The following LIMCH1 variants were observed in gnomAD, a reference collection of about 807,000 sequenced individuals.
LIMCH1 encodes LIM and calponin homology domains 1, also known as LIM and calponin homology domains-containing protein 1.
Under a neutral mutation model 176.5 loss-of-function variants are expected in LIMCH1, and 113 were observed. The observed-to-expected ratio is 0.64, with a 90% CI of 0.55 to 0.75. LIMCH1 has a LOEUF of 0.75. Ranked by LOEUF, LIMCH1 falls within the 30% of genes least tolerant of loss-of-function variation. LIMCH1 has a pLI of 0.00. For synonymous variants in LIMCH1, 619 were observed against 645.9 expected (o/e 0.96, Z 0.63); for missense variants, 1,674 against 1,814.9 (o/e 0.92, Z 1.41).
At position 41,566,406 on chromosome 4, in the gene LIMCH1, C is replaced by G. The variant is rs2082779442; in HGVS notation, c.-241+28056C>G. Among the ~76,000 whole-genome samples the G allele has an allele frequency of 1.3e-5, 2 of 151,472 alleles. 1 individual carries two copies. Among genetic ancestry groups the G allele is most frequent in the South Asian group, 4.2e-4 (2 of 4,814 alleles). ...TAGGACTTGAAAATTGAAATTACTC[C>G]TTGATCCATGGGCTGCAGAGCTTTG... is the stretch of plus-strand genomic sequence containing the variant. On this transcript the variant is annotated intron_variant, in intron 1 of 31. Coordinates refer to ENST00000503057, the MANE Select transcript of LIMCH1 (RefSeq NM_001330672.2).
chr4:41,360,791 G>C lies in LIMCH1; in HGVS notation c.-50G>C. On this transcript the variant is annotated 5_prime_UTR_variant, in exon 1 of 27. Coordinates refer to the LIMCH1 transcript ENST00000313860. The surrounding 1 kb of genome is among the most constrained non-coding windows in gnomAD (Gnocchi z 4.5). Reference sequence around the variant, plus strand: ...GGGAGCGCGCTCCTGCGGCGGCGACGGCGGCGGCCGTCCTCATCCCGGCGC... The same window carrying C: ...GGGAGCGCGCTCCTGCGGCGGCGACCGCGGCGGCCGTCCTCATCCCGGCGC... 4 of 1,415,250 alleles carry C rather than the reference G, an allele frequency of 2.8e-6. No individual in the cohort carries two copies. Among genetic ancestry groups the C allele is most frequent in the Non-Finnish European group, 3.8e-6 (4 of 1,054,318 alleles). 87.7% of individuals were successfully genotyped at this position (1,415,250 alleles called of 1,614,324 possible). A position where few individuals can be genotyped will look rare whatever the true frequency, so the allele number is the denominator to read the frequency against.
chr4:41,453,329 C>G (rs1014984336), intron 1 of LIMCH1, among the ~76,000 whole-genome samples: 1 of 152,240 alleles, frequency 6.6e-6, no homozygotes, highest in African/African-American at 2.4e-5. Context: ...ACTGTTGACT[C>G]TGCTCAAACT....
At chr4:41,403,267 A>C (rs1335461505) in intron 1 of LIMCH1, among the ~76,000 whole-genome samples, 2 of 152,048 alleles carry the variant, frequency 1.3e-5, no homozygotes, top group African/African-American at 4.8e-5. Flanking sequence ...AGATGCAAAG[A>C]ACTATGTTGC....
At chr4:41,619,508 G>A (rs2092401290) in intron 6 of LIMCH1, 68 bp downstream of exon 6, 1 of 1,581,988 alleles carries the variant, frequency 6.3e-7, no homozygotes, top group African/African-American at 1.3e-5. Flanking sequence ...GCAGCTCCTG[G>A]ACAGGAACGA....
At chr4:41,617,997 A>G (rs2092270256) in intron 5 of LIMCH1, among the ~76,000 whole-genome samples, 1 of 152,224 alleles carries the variant, frequency 6.6e-6, no homozygotes, top group Non-Finnish European at 1.5e-5. Flanking sequence ...TGAGGCTTAA[A>G]GTACTGATGT....
At chr4:41,451,040 T>C (rs1203180126) in intron 1 of LIMCH1, among the ~76,000 whole-genome samples, 1 of 152,166 alleles carries the variant, frequency 6.6e-6, no homozygotes, top group Non-Finnish European at 1.5e-5. Context: ...CTTTAGTCTT[T>C]AGAAATACAG....
In LIMCH1 at chr4:41,409,481, G is replaced by A. The variant is rs138129010; in HGVS notation, c.96+48545G>A. On this transcript the variant is annotated intron_variant, in intron 1 of 26. Coordinates refer to the LIMCH1 transcript ENST00000313860. ...CAGAAAATGTATCTAGTGATAACTA[G>A]TAATAGCTTGACATTGGGAAAATAT... is the stretch of plus-strand genomic sequence containing the variant. Among the ~76,000 whole-genome samples, 16 of 152,272 alleles carry A rather than the reference G, an allele frequency of 1.1e-4. No individual in the cohort carries two copies. The East Asian group carries it at 2.7e-3, about 26-fold the overall frequency.
Position 41,589,752 on chromosome 4 carries a change from C to T in LIMCH1, c.-240-9168C>T, listed in dbSNP as rs6813188. 8.8e-3 allele frequency among the ~76,000 whole-genome samples: 1,344 copies of T among 152,302 alleles called. 9 individuals are homozygous for T. The highest frequency in any genetic ancestry group is 0.016 in the Admixed American group (241 of 15,290). On this transcript the variant is annotated intron_variant, in intron 1 of 31. Coordinates refer to ENST00000503057, the MANE Select transcript of LIMCH1 (RefSeq NM_001330672.2). ...CTGACCTCTCCCAGGAAATATCCTG[C>T]TTTCCCTTGGCTTCTCCTGTGTTCC...
At chr4:41,592,598 A>G (rs371096658) in intron 1 of LIMCH1, among the ~76,000 whole-genome samples, 5 of 152,266 alleles carry the variant, frequency 3.3e-5, no homozygotes, top group African/African-American at 1.2e-4. Flanking sequence ...GTGAACAAGA[A>G]TGTCTTAATA....
chr4:41,620,731 A>G (rs1473124665), intron 7 of LIMCH1, 41 bp downstream of exon 7: 6 of 1,495,196 alleles, frequency 4.0e-6, no homozygotes, highest in Admixed American at 4.4e-5. Context: ...GGCTTTCTGC[A>G]TGCCTGGGGA....
intron 22 of LIMCH1, among the ~76,000 whole-genome samples, chr4:41,671,866 C>A (rs1585685960): frequency 2.0e-5 from 2 of 99,562 alleles, no homozygotes; most frequent in Admixed American, 1.6e-4. Flanking sequence ...GTCTGGGTGA[C>A]AGAGCGAGAC....
chr4:41,428,252 C>T (rs1469188515), intron 1 of LIMCH1, among the ~76,000 whole-genome samples: 1 of 152,180 alleles, frequency 6.6e-6, no homozygotes. Flanking sequence ...CTGCCTCTTA[C>T]TAGCTGTGGA....
At chr4:41,520,336 A>G (rs1383582366) in intron 2 of LIMCH1, among the ~76,000 whole-genome samples, 1 of 151,012 alleles carries the variant, frequency 6.6e-6, no homozygotes, top group Non-Finnish European at 1.5e-5. Flanking sequence ...TGACTGTTCA[A>G]TCTGCCTGGA....
chr4:41,415,790 A>G (rs2059872496), intron 1 of LIMCH1, among the ~76,000 whole-genome samples: 4 of 152,132 alleles, frequency 2.6e-5, no homozygotes, highest in Admixed American at 2.0e-4. Context: ...AGCCTGACCA[A>G]CACGGTGAAA....
intron 21 of LIMCH1, 70 bp from the exon 22 acceptor site, chr4:41,671,484 G>A (rs1401633480): frequency 3.8e-6 from 5 of 1,307,122 alleles, no homozygotes; most frequent in East Asian, 4.8e-5. Context: ...CCACTGATAG[G>A]TCAAAAACAA....
chr4:41,592,921 G>A (rs950860839), intron 1 of LIMCH1, among the ~76,000 whole-genome samples: 3 of 152,180 alleles, frequency 2.0e-5, no homozygotes, highest in Non-Finnish European at 4.4e-5. Flanking sequence ...GTTATTTGAT[G>A]GATTGTGAAG....
chr4:41,605,154 T>C (rs2090524491), intron 3 of LIMCH1, among the ~76,000 whole-genome samples: 1 of 152,150 alleles, frequency 6.6e-6, no homozygotes, highest in Admixed American at 6.5e-5. Flanking sequence ...TCTTTGGAAA[T>C]ACAGAACAAA....
intron 19 of LIMCH1, 115 bp downstream of exon 19, chr4:41,661,625 G>A: frequency 1.3e-6 from 1 of 769,402 alleles, no homozygotes; most frequent in Admixed American, 2.4e-5. Flanking sequence ...TTAGACTCCA[G>A]GAGTGGTGCG....
At chr4:41,496,642 T>C (rs1023966987) in intron 2 of LIMCH1, among the ~76,000 whole-genome samples, 1 of 152,168 alleles carries the variant, frequency 6.6e-6, no homozygotes, top group African/African-American at 2.4e-5. Context: ...CCCTTATGGC[T>C]AGGTTTTGTG....
Sources: gnomAD v4.1 joint callset for allele counts (sites outside exome capture counted in the v4.1 genomes callset) on GRCh38, gnomAD v4.1.1 for gene constraint, Gnocchi (gnomAD v3.1) non-coding constraint, MANE v1.5 for transcripts, NCBI Gene and HGNC (gene_info 2026-07-23, HGNC 2026-07-21) for gene names.